TDRD3: variants seen among roughly 807,000 people sequenced by gnomAD.
TDRD3 encodes the protein tudor domain containing 3.
Under a neutral mutation model 86.7 loss-of-function variants are expected in TDRD3, and 45 were observed. That is an observed-to-expected ratio of 0.52 (90% CI 0.41 to 0.67). TDRD3 has a LOEUF of 0.67. Among genes scored for constraint, TDRD3 ranks in the 30% least tolerant of loss-of-function variants. TDRD3 has a pLI of 0.00. For synonymous variants in TDRD3, 298 were observed against 301.7 expected, an observed-to-expected ratio of 0.99 and a Z score of 0.13; for missense variants, 814 against 889.0, an observed-to-expected ratio of 0.92 and a Z score of 1.07.
intron 4 of TDRD3, among the ~76,000 whole-genome samples, chr13:60,461,551 G>A (rs1283870478): frequency 6.6e-6 from 1 of 152,018 alleles, no homozygotes; most frequent in Non-Finnish European, 1.5e-5. Flanking sequence ...ATACACTCAC[G>A]TTTGCAGCTC....
intron 4 of TDRD3, among the ~76,000 whole-genome samples, chr13:60,461,639 C>T (rs939861834): frequency 6.6e-6 from 1 of 152,116 alleles, no homozygotes; most frequent in Non-Finnish European, 1.5e-5. Context: ...ATCAGGTGTT[C>T]CAGCCCTTTA....
chr13:60,420,913 C>T (rs760467244), intron 1 of TDRD3, among the ~76,000 whole-genome samples: 1 of 152,134 alleles, frequency 6.6e-6, no homozygotes, highest in Admixed American at 6.5e-5. Context: ...CACTGTGCTC[C>T]AACCTAGGTG....
At chr13:60,404,556 C>T (rs549759712) in intron 1 of TDRD3, among the ~76,000 whole-genome samples, 4 of 151,790 alleles carry the variant, frequency 2.6e-5, no homozygotes, top group Admixed American at 2.6e-4. Flanking sequence ...GTGATCCGCC[C>T]GCCTCGGCCT....
At chr13:60,473,721 A>G (rs1351189290) in intron 5 of TDRD3, among the ~76,000 whole-genome samples, 1 of 152,192 alleles carries the variant, frequency 6.6e-6, no homozygotes, top group African/African-American at 2.4e-5. Context: ...TGACCAGAAG[A>G]CAAGAGTGTG....
intron 13 of TDRD3, among the ~76,000 whole-genome samples, chr13:60,572,642 C>T (rs1958612158): frequency 6.6e-6 from 1 of 152,192 alleles, no homozygotes; most frequent in South Asian, 2.1e-4. Flanking sequence ...TCACTTGGAA[C>T]TTCCAGTTTC....
At chr13:60,420,645 G>GA (rs1272780094) in intron 1 of TDRD3, among the ~76,000 whole-genome samples, 2 of 152,010 alleles carry the variant, frequency 1.3e-5, no homozygotes, top group African/African-American at 2.4e-5. Flanking sequence ...CATTTTGATT[G>GA]AAAATCTGTT....
chr13:60,417,367 T>C (rs1422586725), intron 1 of TDRD3, among the ~76,000 whole-genome samples: 1 of 151,160 alleles, frequency 6.6e-6, no homozygotes, highest in African/African-American at 2.4e-5. Context: ...TTTTTTTTTT[T>C]TGAGATGGAG....
intron 10 of TDRD3, among the ~76,000 whole-genome samples, chr13:60,524,234 G>A (rs2137746076): frequency 6.6e-6 from 1 of 152,046 alleles, no homozygotes; most frequent in East Asian, 1.9e-4. Context: ...TTCTGGCTGA[G>A]CACGGGGCTC....
chr13:60,522,707 G>T (rs562474434), intron 10 of TDRD3, among the ~76,000 whole-genome samples: 1 of 152,126 alleles, frequency 6.6e-6, no homozygotes, highest in African/African-American at 2.4e-5. Context: ...GTTTTTCTGC[G>T]TTAATAGAAA....
intron 1 of TDRD3, among the ~76,000 whole-genome samples, chr13:60,425,932 G>GGTTAGGCT (rs1400910366): frequency 1.3e-5 from 2 of 152,052 alleles, no homozygotes; most frequent in African/African-American, 4.8e-5. Context: ...TGTATTAATT[G>GGTTAGGCT]ACTATGTTAT....
chr13:60,573,424 T>A (rs537708804), intron 13 of TDRD3, among the ~76,000 whole-genome samples, 192 bp from the exon 14 acceptor site: 16 of 152,276 alleles, frequency 1.1e-4, no homozygotes, highest in African/African-American at 3.8e-4. Context: ...TTCAAAAAAA[T>A]TTTGCTTTTT....
intron 1 of TDRD3, among the ~76,000 whole-genome samples, chr13:60,428,992 CTAAT>C (rs1954884714): frequency 6.6e-6 from 1 of 152,192 alleles, no homozygotes; most frequent in Non-Finnish European, 1.5e-5. Context: ...AAAAAAATAT[CTAAT>C]TTATTTGCAG....
At chr13:60,426,253 A>G (rs1353823230) in intron 1 of TDRD3, among the ~76,000 whole-genome samples, 8 of 152,208 alleles carry the variant, frequency 5.3e-5, no homozygotes. Flanking sequence ...GAAATAGAGA[A>G]TGAAACAGTG....
At chr13:60,483,878 A>T (rs1447616796) in intron 6 of TDRD3, 32 bp downstream of exon 6, 3 of 1,605,822 alleles carry the variant, frequency 1.9e-6, no homozygotes, top group African/African-American at 1.3e-5. Context: ...GATGAATTTA[A>T]ATTAGGAAAA....
upstream of TDRD3, chr13:60,396,555 G>C (rs1395293069): frequency 6.5e-6 from 1 of 152,738 alleles, no homozygotes; most frequent in African/African-American, 2.4e-5. Context: ...CAAGGTGGCA[G>C]GGCCGCGCTA....
At chr13:60,495,877 A>G (rs1227897740) in intron 8 of TDRD3, among the ~76,000 whole-genome samples, 1 of 152,178 alleles carries the variant, frequency 6.6e-6, no homozygotes, top group Non-Finnish European at 1.5e-5. Flanking sequence ...CTCCAGCTGC[A>G]TAACTCTTAA....
chr13:60,452,881 G>A (rs1955581127), intron 3 of TDRD3, among the ~76,000 whole-genome samples: 1 of 150,082 alleles, frequency 6.7e-6, no homozygotes, highest in Non-Finnish European at 1.5e-5. Flanking sequence ...TTAAATTGTT[G>A]GTTTGTGCCT....
Position 60,467,213 on chromosome 13 carries a change from T to G in TDRD3, c.354-25T>G, listed in dbSNP as rs1214853425. The G allele has an allele frequency of 5.0e-6, 8 of 1,611,632 alleles. No individual in the cohort carries two copies. In the African/African-American group the frequency reaches 9.4e-5, roughly 19 times the overall value. On this transcript the variant is annotated intron_variant, in intron 4 of 13. Coordinates refer to ENST00000377881, the MANE Select transcript of TDRD3 (RefSeq NM_001146070.2). ...CATGTGTTCTCAGCTTCAATATGTT[T>G]TTAACACTTTTCTCTTTGCTTTAGC... is the stretch of plus-strand genomic sequence containing the variant.
intron 12 of TDRD3, among the ~76,000 whole-genome samples, chr13:60,559,747 G>A (rs1258152028): frequency 2.0e-5 from 3 of 152,162 alleles, no homozygotes. Flanking sequence ...TGAGGGAAAT[G>A]AGGAGATGTT....
Sources: allele counts gnomAD v4.1 joint callset (sites outside exome capture counted in the v4.1 genomes callset), GRCh38; gene constraint gnomAD v4.1.1; transcripts MANE v1.5; gene names NCBI Gene and HGNC (gene_info 2026-07-23, HGNC 2026-07-21).